The following GRIA4 variants were observed in gnomAD, a reference collection of about 807,000 sequenced individuals.
The protein encoded by GRIA4 is glutamate ionotropic receptor AMPA type subunit 4, also known as glutamate receptor 4.
A neutral mutation model predicts 104.0 loss-of-function variants in GRIA4; 34 were observed. The observed-to-expected ratio is 0.33, with a 90% CI of 0.25 to 0.44. The LOEUF is 0.44. Among genes scored for constraint, GRIA4 ranks in the 20% least tolerant of loss-of-function variants. The pLI is 1.00. For synonymous variants in GRIA4, 386 were observed against 381.9 expected, an observed-to-expected ratio of 1.01 and a Z score of -0.13; for missense variants, 750 against 1,096.5, an observed-to-expected ratio of 0.68 and a Z score of 4.46.
intron 14 of GRIA4, among the ~76,000 whole-genome samples, chr11:105,957,575 G>C (rs1678701074): frequency 1.3e-5 from 2 of 152,168 alleles, no homozygotes; most frequent in Admixed American, 1.3e-4. Flanking sequence ...TTTGGCTTAG[G>C]ATTGTCTTGG....
At chr11:105,654,155 C>G (rs1272559078) in intron 3 of GRIA4, among the ~76,000 whole-genome samples, 2 of 151,160 alleles carry the variant, frequency 1.3e-5, no homozygotes, top group Non-Finnish European at 2.9e-5. Flanking sequence ...TTCATAGAAG[C>G]AGAGAGTAAG....
chr11:105,791,685 A>G (rs1372784193), intron 4 of GRIA4, among the ~76,000 whole-genome samples: 1 of 152,136 alleles, frequency 6.6e-6, no homozygotes, highest in Non-Finnish European at 1.5e-5. Context: ...AACTGTTCAA[A>G]AGGAATGACC....
chr11:105,610,891 G>A lies in GRIA4; in HGVS notation c.-90-17G>A. ...TTTTCTTTTTTTTTTTTTTTTTTTG[G>A]TTGATTTTAATTTTAGCGCCATCGT... is the stretch of plus-strand genomic sequence containing the variant. On this transcript the variant is annotated splice_polypyrimidine_tract_variant and intron_variant, in intron 1 of 16. Transcript: ENST00000282499. 3 of 283,732 alleles carry A rather than the reference G, an allele frequency of 1.1e-5. No individual in the cohort carries two copies. The highest frequency in any genetic ancestry group is 8.0e-4 in the Middle Eastern group (1 of 1,256). 17.6% of individuals were successfully genotyped at this position (283,732 alleles called of 1,614,324 possible).
At chr11:105,881,310 A>G (rs1371012713) in intron 5 of GRIA4, among the ~76,000 whole-genome samples, 1 of 152,206 alleles carries the variant, frequency 6.6e-6, no homozygotes, top group Non-Finnish European at 1.5e-5. Flanking sequence ...TCCAAGGGCA[A>G]TATCAGCTCT....
chr11:105,899,431 G>C (rs766677284), intron 7 of GRIA4, among the ~76,000 whole-genome samples: 14 of 152,156 alleles, frequency 9.2e-5, no homozygotes, highest in Non-Finnish European at 1.9e-4. Flanking sequence ...CAGGTTCATG[G>C]AATACACAGG....
intron 13 of GRIA4, among the ~76,000 whole-genome samples, chr11:105,933,077 A>T (rs1279687232): frequency 3.3e-5 from 5 of 149,472 alleles, no homozygotes; most frequent in Non-Finnish European, 5.9e-5. Flanking sequence ...CATCTTTAAA[A>T]AAATTTTTTT....
chr11:105,884,653 GA>G (rs1946188015), intron 5 of GRIA4, among the ~76,000 whole-genome samples: 1 of 152,146 alleles, frequency 6.6e-6, no homozygotes. Context: ...TCAGTTACCA[GA>G]ATGTTGATGC....
At chr11:105,661,721 G>A (rs1952016241) in intron 3 of GRIA4, among the ~76,000 whole-genome samples, 1 of 151,450 alleles carries the variant, frequency 6.6e-6, no homozygotes, top group South Asian at 2.1e-4. Context: ...AAGCAGCATG[G>A]TAAATTCTTG....
chr11:105,710,140 C>T (rs1953859560), intron 3 of GRIA4, among the ~76,000 whole-genome samples: 1 of 151,860 alleles, frequency 6.6e-6, no homozygotes, highest in Non-Finnish European at 1.5e-5. Flanking sequence ...CAAATTATAT[C>T]CACAGAGAAA....
chr11:105,618,651 T>C (rs1412984132), intron 3 of GRIA4, among the ~76,000 whole-genome samples: 2 of 151,990 alleles, frequency 1.3e-5, no homozygotes, highest in African/African-American at 4.8e-5. Flanking sequence ...GTGTTAAAAA[T>C]ACATCCAAAG....
In GRIA4 at chr11:105,670,355, A is replaced by G. The variant is rs79131933; in HGVS notation, c.247+57921A>G. On this transcript the variant is annotated intron_variant, in intron 3 of 16. Coordinates refer to ENST00000282499, the MANE Select transcript of GRIA4 (RefSeq NM_000829.4). Reference sequence around the variant, plus strand: ...GAACACTTTAAAGTCCAAAAGGTCTATTTTCTAATTTTGTTTCATTTTAAT... The same window carrying G: ...GAACACTTTAAAGTCCAAAAGGTCTGTTTTCTAATTTTGTTTCATTTTAAT... 6.9e-3 allele frequency among the ~76,000 whole-genome samples: 1,044 copies of G among 152,196 alleles called. 15 individuals are homozygous for G. The highest frequency in any genetic ancestry group is 0.046 in the East Asian group (240 of 5,170).
At chr11:105,947,634 A>G (rs954375852) in intron 14 of GRIA4, among the ~76,000 whole-genome samples, 2 of 152,178 alleles carry the variant, frequency 1.3e-5, no homozygotes, top group African/African-American at 2.4e-5. Context: ...CTTGCATTCA[A>G]TTTATTAAGT....
At chr11:105,732,770 C>A (rs1166736926) in intron 3 of GRIA4, among the ~76,000 whole-genome samples, 1 of 152,156 alleles carries the variant, frequency 6.6e-6, no homozygotes, top group East Asian at 1.9e-4. Flanking sequence ...AAGTTCACAG[C>A]TTAGTTGCCA....
rs1461883117 is a variant in GRIA4, at chr11:105,979,925, C to T, written c.*186C>T. On this transcript the variant is annotated 3_prime_UTR_variant, in exon 17 of 17. Transcript: ENST00000282499. ...TGTGCATGAGCTCAGCTCGGAAACC[C>T]AAACTCAGATTTTATATCAGGAAAA... The T allele has an allele frequency of 2.0e-5, 8 of 402,250 alleles. No individual in the cohort carries two copies. The highest frequency in any genetic ancestry group is 1.6e-4 in the African/African-American group (8 of 49,722). 24.9% of individuals were successfully genotyped at this position (402,250 alleles called of 1,614,324 possible). A position where few individuals can be genotyped will look rare whatever the true frequency, so the allele number is the denominator to read the frequency against.
At chr11:105,724,879 G>C (rs551760872) in intron 3 of GRIA4, among the ~76,000 whole-genome samples, 61 of 152,028 alleles carry the variant, frequency 4.0e-4, no homozygotes, top group African/African-American at 1.5e-3. Flanking sequence ...TTATGTTGTT[G>C]AGGGAAAAAA....
intron 3 of GRIA4, among the ~76,000 whole-genome samples, chr11:105,734,181 T>A (rs937667724): frequency 1.7e-4 from 25 of 151,412 alleles, no homozygotes; most frequent in African/African-American, 5.3e-4. Context: ...CATCTCAAAC[T>A]AAGTATGTAT....
chr11:105,931,392 AT>A (rs893237792), intron 13 of GRIA4, among the ~76,000 whole-genome samples: 1 of 152,046 alleles, frequency 6.6e-6, no homozygotes. Context: ...TCCCACCTTG[AT>A]ATTTATCAAC....
rs373544534 is a variant in GRIA4, at chr11:105,981,654, C to T, written c.*1915C>T. On this transcript the variant is annotated 3_prime_UTR_variant, in exon 17 of 17. Coordinates refer to ENST00000282499, the MANE Select transcript of GRIA4 (RefSeq NM_000829.4). ...ACATGAGCCCCTTCATGACCTGGCGCTTGCTTATTTCTTCCAGGACTTCTC... is the reference window on the plus strand; with the variant it reads ...ACATGAGCCCCTTCATGACCTGGCGTTTGCTTATTTCTTCCAGGACTTCTC... 3.3e-5 allele frequency: 5 copies of T among 152,316 alleles called. No individual in the cohort carries two copies. The East Asian group carries it at 7.7e-4, about 24-fold the overall frequency. The allele number at this position is 152,316 out of a possible 1,614,324, so 9.4% of individuals were successfully genotyped here.
chr11:105,755,046 C>T (rs1940220568), intron 4 of GRIA4, among the ~76,000 whole-genome samples: 1 of 151,994 alleles, frequency 6.6e-6, no homozygotes, highest in South Asian at 2.1e-4. Flanking sequence ...AACATATTTT[C>T]AGAAACCTGG....
Sources: allele counts gnomAD v4.1 joint callset (sites outside exome capture counted in the v4.1 genomes callset), GRCh38; gene constraint gnomAD v4.1.1; transcripts MANE v1.5; gene names NCBI Gene and HGNC (gene_info 2026-07-23, HGNC 2026-07-21).